Variants in CDKAL1 observed in about 807,000 individuals in gnomAD.
CDKAL1 encodes the protein threonylcarbamoyladenosine tRNA methylthiotransferase.
CDKAL1 carries 32 observed loss-of-function variants against 68.2 expected under a neutral mutation model. The ratio of observed to expected loss-of-function variants is 0.47; its 90% CI spans 0.35 to 0.63. The LOEUF (loss-of-function observed/expected upper bound fraction) is 0.63, where lower values mean the gene tolerates loss of function less well. CDKAL1 is among the 30% of genes least tolerant of loss of function. The pLI is 0.00. For synonymous variants in CDKAL1, 234 were observed against 244.3 expected, an observed-to-expected ratio of 0.96 and a Z score of 0.39; for missense variants, 606 against 696.7, an observed-to-expected ratio of 0.87 and a Z score of 1.47.
chr6:21,094,166 C>T (rs1221496742), intron 12 of CDKAL1, among the ~76,000 whole-genome samples: 1 of 151,752 alleles, frequency 6.6e-6, no homozygotes, highest in Non-Finnish European at 1.5e-5. Context: ...GAAATATATA[C>T]ATAAATAGAG....
intron 9 of CDKAL1, among the ~76,000 whole-genome samples, chr6:20,873,572 G>A (rs942697614): frequency 2.0e-5 from 3 of 152,100 alleles, no homozygotes; most frequent in African/African-American, 7.2e-5. Flanking sequence ...GCCAGGAAGC[G>A]GTAGTTCTGT....
intron 10 of CDKAL1, among the ~76,000 whole-genome samples, chr6:20,970,317 T>G (rs1765529220): frequency 6.6e-6 from 1 of 152,186 alleles, no homozygotes; most frequent in African/African-American, 2.4e-5. Flanking sequence ...ACACACCACA[T>G]AGCTCCATGT....
At chr6:20,960,918 C>T (rs888376846) in intron 10 of CDKAL1, among the ~76,000 whole-genome samples, 1 of 152,178 alleles carries the variant, frequency 6.6e-6, no homozygotes, top group Non-Finnish European at 1.5e-5. Flanking sequence ...GTATGATTAT[C>T]GAATTTGTAG....
At chr6:21,123,058 A>G (rs1204378999) in intron 13 of CDKAL1, among the ~76,000 whole-genome samples, 1 of 152,022 alleles carries the variant, frequency 6.6e-6, no homozygotes, top group East Asian at 1.9e-4. Context: ...TAAAATATGA[A>G]CTCTGGCTGA....
At chr6:20,911,719 G>A (rs1005475527) in intron 9 of CDKAL1, among the ~76,000 whole-genome samples, 5 of 152,202 alleles carry the variant, frequency 3.3e-5, no homozygotes, top group Non-Finnish European at 7.3e-5. Context: ...TTCTGATGCA[G>A]GGAATAATAC....
chr6:21,148,113 G>A (rs901402732), intron 13 of CDKAL1, among the ~76,000 whole-genome samples: 4 of 152,162 alleles, frequency 2.6e-5, no homozygotes, highest in Non-Finnish European at 5.9e-5. Context: ...TTTTTAGATT[G>A]CATTTTTTAC....
chr6:21,003,367 T>TACACACACACACACAC (rs1483081425), intron 11 of CDKAL1, among the ~76,000 whole-genome samples: 2 of 65,680 alleles, frequency 3.0e-5, no homozygotes, highest in African/African-American at 1.7e-4. Flanking sequence ...TATATATATA[T>TACACACACACACACAC]ATATACACAC....
At chr6:20,792,527 C>T (rs1422922914) in intron 8 of CDKAL1, among the ~76,000 whole-genome samples, 2 of 152,124 alleles carry the variant, frequency 1.3e-5, no homozygotes, top group African/African-American at 2.4e-5. Flanking sequence ...AAAACATAAA[C>T]TTTCTGAAAT....
At chr6:20,914,737 A>G (rs913480304) in intron 9 of CDKAL1, among the ~76,000 whole-genome samples, 2 of 152,256 alleles carry the variant, frequency 1.3e-5, no homozygotes, top group Admixed American at 6.5e-5. Context: ...GAACATAATA[A>G]CAGTTTTCTA....
At chr6:20,930,133 TAGTG>T (rs1270765277) in intron 9 of CDKAL1, among the ~76,000 whole-genome samples, 1 of 152,162 alleles carries the variant, frequency 6.6e-6, no homozygotes, top group Non-Finnish European at 1.5e-5. Context: ...TAAAAACACT[TAGTG>T]AGCTAAAACG....
At chr6:20,747,528 G>A (rs1031733063) in intron 6 of CDKAL1, among the ~76,000 whole-genome samples, 4 of 152,160 alleles carry the variant, frequency 2.6e-5, no homozygotes, top group Admixed American at 1.3e-4. Flanking sequence ...GCCATCCTCA[G>A]TGAGGTGATA....
Position 20,636,271 on chromosome 6 carries a change from T to C in CDKAL1, c.287-13022T>C, listed in dbSNP as rs1767900771. On this transcript the variant is annotated intron_variant, in intron 4 of 15. Coordinates refer to ENST00000274695, the MANE Select transcript of CDKAL1 (RefSeq NM_017774.3). ...TTGGGGTAGTGTGCTCTGAGCCCCATCACTGCTGTTGTTCATTTTGGTGTT... is the reference window on the plus strand; with the variant it reads ...TTGGGGTAGTGTGCTCTGAGCCCCACCACTGCTGTTGTTCATTTTGGTGTT... Among the ~76,000 whole-genome samples, 4 of 152,300 alleles carry C rather than the reference T, an allele frequency of 2.6e-5. No homozygotes were observed. In the South Asian group the frequency reaches 8.3e-4, roughly 32 times the overall value.
intron 15 of CDKAL1, among the ~76,000 whole-genome samples, chr6:21,210,369 G>A (rs1779104486): frequency 6.6e-6 from 1 of 152,192 alleles, no homozygotes; most frequent in Non-Finnish European, 1.5e-5. Flanking sequence ...GAGCCTTCAT[G>A]ATGAGGATTA....
At position 20,994,958 on chromosome 6, in the gene CDKAL1, T is replaced by C. The variant is rs140248498; in HGVS notation, c.910-5269T>C. Among the ~76,000 whole-genome samples the C allele has an allele frequency of 2.6e-4, 39 of 152,312 alleles. No individual in the cohort carries two copies. In the East Asian group the frequency reaches 7.1e-3, roughly 28 times the overall value. ...GTCAACCCTGTCAAACTCTGCTTTA[T>C]CAACTACATTTGTATATTATCATAA... On this transcript the variant is annotated intron_variant, in intron 10 of 15. Coordinates refer to ENST00000274695, the MANE Select transcript of CDKAL1 (RefSeq NM_017774.3).
At chr6:21,056,729 TG>T (rs1401646487) in intron 11 of CDKAL1, among the ~76,000 whole-genome samples, 5 of 152,208 alleles carry the variant, frequency 3.3e-5, no homozygotes, top group Non-Finnish European at 7.3e-5. Context: ...GCTTTTAACA[TG>T]AAGGGATGTT....
At chr6:20,897,378 A>G (rs1471734276) in intron 9 of CDKAL1, among the ~76,000 whole-genome samples, 1 of 152,116 alleles carries the variant, frequency 6.6e-6, no homozygotes, top group Non-Finnish European at 1.5e-5. Flanking sequence ...GGCTCAGATG[A>G]AGAAGTGATT....
At chr6:20,655,765 C>T (rs986865254) in intron 5 of CDKAL1, among the ~76,000 whole-genome samples, 7 of 152,068 alleles carry the variant, frequency 4.6e-5, no homozygotes, top group South Asian at 2.1e-4. Flanking sequence ...TTGGGGGGAC[C>T]GCTGCTTTAC....
intron 13 of CDKAL1, among the ~76,000 whole-genome samples, chr6:21,138,237 CTGTG>C (rs144464167): frequency 4.0e-5 from 6 of 151,166 alleles, no homozygotes; most frequent in East Asian, 3.9e-4. Flanking sequence ...ATGTGTGTGT[CTGTG>C]TGTGTGTGTG....
intron 12 of CDKAL1, among the ~76,000 whole-genome samples, chr6:21,107,182 T>C (rs1360606284): frequency 1.3e-5 from 2 of 151,788 alleles, no homozygotes; most frequent in Non-Finnish European, 1.5e-5. Context: ...CTCCTGACCT[T>C]GTGATCCGCC....
Sources: gnomAD v4.1 joint callset for allele counts (sites outside exome capture counted in the v4.1 genomes callset) on GRCh38, gnomAD v4.1.1 for gene constraint, MANE v1.5 for transcripts, NCBI Gene and HGNC (gene_info 2026-07-23, HGNC 2026-07-21) for gene names.